CCDC30: variants seen among roughly 807,000 people sequenced by gnomAD.
CCDC30 encodes the protein coiled-coil domain-containing protein 30.
A neutral mutation model predicts 100.2 loss-of-function variants in CCDC30; 70 were observed. The observed-to-expected ratio is 0.70, with a 90% CI of 0.58 to 0.85. The LOEUF (loss-of-function observed/expected upper bound fraction) is 0.85, where lower values mean the gene tolerates loss of function less well. Ranked by LOEUF, CCDC30 falls within the 40% of genes least tolerant of loss-of-function variation. The pLI is 0.00. For missense variants in CCDC30, 652 were observed against 771.2 expected (o/e 0.85, Z 1.83); for synonymous variants, 233 against 269.5 (o/e 0.86, Z 1.33).
chr1:42,631,552 T>C (rs1393196672), intron 11 of CCDC30, among the ~76,000 whole-genome samples: 3 of 152,280 alleles, frequency 2.0e-5, no homozygotes, highest in African/African-American at 7.2e-5. Flanking sequence ...CCTATGTCCT[T>C]CCTTTCAGGG....
chr1:42,459,955 T>C, upstream of CCDC30: 2 of 1,556,660 alleles, frequency 1.3e-6, no homozygotes, highest in Non-Finnish European at 1.7e-6. Context: ...GATCAAAAAT[T>C]GTTCAGGGCT....
chr1:42,634,385 G>A (rs1325822156), intron 11 of CCDC30, among the ~76,000 whole-genome samples: 2 of 152,074 alleles, frequency 1.3e-5, no homozygotes, highest in Admixed American at 6.6e-5. Context: ...GGGGGCCAAT[G>A]ATGCTACTAA....
intron 6 of CCDC30, among the ~76,000 whole-genome samples, chr1:42,555,153 C>A (rs897759306): frequency 6.6e-6 from 1 of 152,176 alleles, no homozygotes; most frequent in African/African-American, 2.4e-5. Context: ...ATTATTACAA[C>A]AGTCTCTCAA....
intron 5 of CCDC30, among the ~76,000 whole-genome samples, chr1:42,498,589 G>T (rs907016750): frequency 6.6e-6 from 1 of 152,138 alleles, no homozygotes; most frequent in Non-Finnish European, 1.5e-5. Context: ...ATACATGTGT[G>T]TATACGTGAA....
chr1:42,637,121 G>A (rs16829820), intron 11 of CCDC30, 116 bp from the exon 16 acceptor site: 119,901 of 765,818 alleles, frequency 0.16, 10,707 homozygotes, highest in South Asian at 0.3. Flanking sequence ...ATCCACATCC[G>A]GTGCCAGTTC....
chr1:42,521,882 C>G (rs1406339102), intron 6 of CCDC30, among the ~76,000 whole-genome samples: 1 of 151,718 alleles, frequency 6.6e-6, no homozygotes, highest in East Asian at 1.9e-4. Context: ...TTTCCCTGTT[C>G]TAATTTGGTT....
At chr1:42,465,648 AG>A (rs2148430446) in intron 1 of CCDC30, among the ~76,000 whole-genome samples, 1 of 152,282 alleles carries the variant, frequency 6.6e-6, no homozygotes, top group South Asian at 2.1e-4. Flanking sequence ...TACAAGTGTG[AG>A]CCACGGTACC....
chr1:42,520,701 C>T (rs1485119489), intron 6 of CCDC30, among the ~76,000 whole-genome samples: 6 of 126,090 alleles, frequency 4.8e-5, no homozygotes, highest in African/African-American at 1.2e-4. Flanking sequence ...ATTGCAGTGG[C>T]GTGATCGTGG....
intron 9 of CCDC30, among the ~76,000 whole-genome samples, chr1:42,582,349 A>G (rs1292980493): frequency 6.6e-6 from 1 of 152,220 alleles, no homozygotes; most frequent in Non-Finnish European, 1.5e-5. Flanking sequence ...GAGTTTAACC[A>G]TATCATTGCA....
At chr1:42,592,428 G>GCATGAGCTAC (rs1646204522) in intron 10 of CCDC30, 1 of 152,188 alleles carries the variant, frequency 6.6e-6, no homozygotes, top group East Asian at 1.9e-4. Flanking sequence ...ATGTAGCCAG[G>GCATGAGCTAC]CATGGTAGCT....
chr1:42,456,238 G>A, the CCDC30 span: 4 of 608,300 alleles, frequency 6.6e-6, no homozygotes, highest in Admixed American at 5.7e-5. Context: ...CGACTCCCAA[G>A]GAGTCCAAGT....
chr1:42,564,217 T>C (rs1268378271), intron 6 of CCDC30, among the ~76,000 whole-genome samples: 1 of 152,224 alleles, frequency 6.6e-6, no homozygotes, highest in Non-Finnish European at 1.5e-5. Context: ...CCTACCTTTG[T>C]AGAAAATCCA....
intron 11 of CCDC30, among the ~76,000 whole-genome samples, chr1:42,621,332 T>C (rs1646826154): frequency 6.6e-6 from 1 of 151,902 alleles, no homozygotes. Context: ...TTCTTTTTTC[T>C]TTTTCAGGGT....
At chr1:42,482,712 G>A in exon 3 of CCDC30, 5 of 1,234,066 alleles carry the variant, frequency 4.1e-6, no homozygotes, top group Non-Finnish European at 5.1e-6. Flanking sequence ...AACTGCCTAG[G>A]AAGAGGAATG....
intron 6 of CCDC30, among the ~76,000 whole-genome samples, chr1:42,516,571 C>CAAAAAAAAAAAAAAAAAAAAA (rs61638436): frequency 9.8e-6 from 1 of 102,162 alleles, no homozygotes; most frequent in Non-Finnish European, 1.9e-5. Context: ...GACTCCATCT[C>CAAAAAAAAAAAAAAAAAAAAA]AAAAAAAAAA....
Position 42,491,729 on chromosome 1 carries a change from G to T in CCDC30, c.241+1500G>T. 1.2e-5 allele frequency: 3 copies of T among 246,460 alleles called. No homozygotes were observed. The South Asian group carries it at 1.7e-4, about 14-fold the overall frequency. 15.3% of individuals were successfully genotyped at this position (246,460 alleles called of 1,614,324 possible). The stretch of plus-strand genomic sequence containing the variant: ...AAAACATGTAGCCTTTTGGCTCTGT[G>T]AGCAGCACCATGGCTGTTGGCAAGA... On this transcript the variant is annotated intron_variant, in intron 4 of 16. Coordinates refer to ENST00000668663, the Ensembl canonical transcript of CCDC30.
intron 6 of CCDC30, among the ~76,000 whole-genome samples, chr1:42,499,869 G>A (rs1644282356): frequency 6.6e-6 from 1 of 151,708 alleles, no homozygotes; most frequent in Non-Finnish European, 1.5e-5. Context: ...CAAAAAAAAT[G>A]GCACTCTGAT....
intron 10 of CCDC30, among the ~76,000 whole-genome samples, chr1:42,607,555 TA>T (rs60204912): frequency 0.07 from 6,278 of 89,744 alleles, 376 homozygotes; most frequent in African/African-American, 0.21. Context: ...CTTGTCTCTA[TA>T]AAAAAAAAAA....
rs182028631 is a variant in CCDC30 at position 42,613,314 on chromosome 1, G to A, written c.1277+2224G>A. 6.2e-3 allele frequency among the ~76,000 whole-genome samples: 947 copies of A among 152,230 alleles called. 7 individuals carry two copies. Among genetic ancestry groups the A allele is most frequent in the African/African-American group, 0.021 (882 of 41,526 alleles). ...CTGTCGCCCAGGCTGGAGTGCAGTG[G>A]CACGATCTCGGCTCACTGCAAGCTC... is the stretch of plus-strand genomic sequence containing the variant. On this transcript the variant is annotated intron_variant, in intron 11 of 16. Coordinates refer to ENST00000668663, the Ensembl canonical transcript of CCDC30.
Sources: gnomAD v4.1 joint callset for allele counts (sites outside exome capture counted in the v4.1 genomes callset) on GRCh38, gnomAD v4.1.1 for gene constraint, MANE v1.5 for transcripts, NCBI Gene and HGNC (gene_info 2026-07-23, HGNC 2026-07-21) for gene names.